LEF1: variants seen among roughly 807,000 people sequenced by gnomAD.
LEF1 encodes lymphoid enhancer-binding factor 1.
Under a neutral mutation model 51.2 loss-of-function variants are expected in LEF1, and 14 were observed. That is an observed-to-expected ratio of 0.27 (90% CI 0.18 to 0.43). The LOEUF is 0.43. Ranked by LOEUF, LEF1 falls within the 20% of genes least tolerant of loss-of-function variation. The probability of loss-of-function intolerance (pLI) is 1.00; values close to 1 mark genes in which losing one functional copy is unlikely to be tolerated. For missense variants in LEF1, 386 were observed against 512.0 expected (o/e 0.75, Z 2.37); for synonymous variants, 185 against 183.2 (o/e 1.01, Z -0.08).
At chr4:108,110,713 G>A (rs527390163) in intron 3 of LEF1, among the ~76,000 whole-genome samples, 2 of 152,116 alleles carry the variant, frequency 1.3e-5, no homozygotes, top group African/African-American at 2.4e-5. Flanking sequence ...CATCATCCTC[G>A]TTGAGTGACT....
intron 8 of LEF1, among the ~76,000 whole-genome samples, chr4:108,075,708 T>C (rs979135516): frequency 3.3e-5 from 5 of 152,212 alleles, no homozygotes; most frequent in African/African-American, 1.2e-4. Context: ...TGACTATGTA[T>C]GTCTTTTGGC....
chr4:108,146,143 A>G (rs894692094), intron 3 of LEF1, among the ~76,000 whole-genome samples: 15 of 152,382 alleles, frequency 9.8e-5, no homozygotes, highest in Middle Eastern at 3.4e-3. Flanking sequence ...CATGTTCTCC[A>G]TGAGTAAAAA....
chr4:108,103,730 C>G (rs185107000), intron 3 of LEF1, among the ~76,000 whole-genome samples: 2 of 152,268 alleles, frequency 1.3e-5, no homozygotes, highest in East Asian at 3.9e-4. Flanking sequence ...CTGAATTTTT[C>G]CTTCTCCTCT....
At chr4:108,080,735 GA>G (rs1056393878) in intron 6 of LEF1, among the ~76,000 whole-genome samples, 4 of 150,864 alleles carry the variant, frequency 2.7e-5, no homozygotes, top group Non-Finnish European at 4.4e-5. Context: ...ACAACTCACT[GA>G]AAAAAAAAGT....
chr4:108,146,527 A>G (rs560104592), intron 3 of LEF1, among the ~76,000 whole-genome samples: 54 of 152,330 alleles, frequency 3.5e-4, no homozygotes, highest in African/African-American at 1.2e-3. Context: ...TCACCTCTAG[A>G]GCAGAAAAAA....
intron 3 of LEF1, among the ~76,000 whole-genome samples, chr4:108,128,557 T>C (rs1742685090): frequency 6.6e-6 from 1 of 152,072 alleles, no homozygotes; most frequent in African/African-American, 2.4e-5. Flanking sequence ...TGATTTAGAC[T>C]TTCTTTTGCC....
intron 3 of LEF1, among the ~76,000 whole-genome samples, chr4:108,122,273 C>T (rs1176639527): frequency 1.3e-5 from 2 of 152,124 alleles, no homozygotes; most frequent in Non-Finnish European, 2.9e-5. Context: ...CTTAAAGTTA[C>T]ATTATTATAT....
rs147186589 is a variant in LEF1, at chr4:108,054,940, G to A, written c.*7-6189C>T. 6.2e-3 allele frequency among the ~76,000 whole-genome samples: 943 copies of A among 152,302 alleles called. 10 individuals are homozygous for A. The highest frequency in any genetic ancestry group is 0.021 in the African/African-American group (886 of 41,562). ...TTTGCTAAAGGTCACAGACAGCTAT[G>A]AGCAGCAGGATTTCCCACTCATCTG... On this transcript the variant is annotated intron_variant, in intron 11 of 11. Transcript: ENST00000265165.
rs779208326 is a variant in LEF1 at position 108,165,166 on chromosome 4, A to G, written c.214-3T>C. On this transcript the variant is annotated splice_region_variant and splice_polypyrimidine_tract_variant and intron_variant, in intron 1 of 11. Transcript: ENST00000265165. ...GAGGTTTGTGCTTGTCTGGCCACCT[A>G]ACATCATGAATCCCCACACCCAAAA... is the stretch of plus-strand genomic sequence containing the variant. The G allele has an allele frequency of 6.2e-7, 1 of 1,613,772 alleles. No homozygotes were observed. Among genetic ancestry groups the G allele is most frequent in the Non-Finnish European group, 8.5e-7 (1 of 1,179,800 alleles).
intron 11 of LEF1, 71 bp downstream of exon 11, chr4:108,063,552 G>T: frequency 5.1e-6 from 6 of 1,181,864 alleles, no homozygotes; most frequent in Non-Finnish European, 7.4e-6. Context: ...TTATGAGCAA[G>T]AAGATTCACA....
At chr4:108,153,919 A>G (rs1247436554) in intron 3 of LEF1, among the ~76,000 whole-genome samples, 1 of 152,224 alleles carries the variant, frequency 6.6e-6, no homozygotes, top group Non-Finnish European at 1.5e-5. Context: ...TCCTATTGCC[A>G]TGAATATATA....
At chr4:108,060,067 A>G (rs1560757846) in intron 11 of LEF1, among the ~76,000 whole-genome samples, 1 of 152,140 alleles carries the variant, frequency 6.6e-6, no homozygotes, top group Non-Finnish European at 1.5e-5. Context: ...CAAACAAGGA[A>G]CCATATTATT....
chr4:108,126,994 A>T (rs1742586873), intron 3 of LEF1, among the ~76,000 whole-genome samples: 1 of 152,122 alleles, frequency 6.6e-6, no homozygotes, highest in African/African-American at 2.4e-5. Context: ...ACAACGTTCG[A>T]TACAATGTGG....
intron 3 of LEF1, among the ~76,000 whole-genome samples, chr4:108,137,165 C>T (rs1427492290): frequency 6.6e-6 from 1 of 152,068 alleles, no homozygotes; most frequent in Non-Finnish European, 1.5e-5. Flanking sequence ...ACATTTTTTA[C>T]AAAACATCAC....
intron 3 of LEF1, among the ~76,000 whole-genome samples, chr4:108,113,936 AAAACCACTATATG>A (rs1741681946): frequency 6.6e-6 from 1 of 152,238 alleles, no homozygotes; most frequent in African/African-American, 2.4e-5. Context: ...ACTCATTTAA[AAAACCACTATATG>A]AAGACAAAGA....
At chr4:108,060,530 T>C (rs150789735) in intron 11 of LEF1, among the ~76,000 whole-genome samples, 62 of 152,258 alleles carry the variant, frequency 4.1e-4, no homozygotes, top group African/African-American at 1.5e-3. Flanking sequence ...TCCTGGGCTC[T>C]GCTCTTTCCA....
intron 3 of LEF1, among the ~76,000 whole-genome samples, chr4:108,161,889 A>C (rs1013454506): frequency 6.6e-6 from 1 of 152,168 alleles, no homozygotes. Context: ...AAAATGATTT[A>C]ACAGGAATCT....
rs11329450 is a variant in LEF1 at position 108,126,804 on chromosome 4, CAA to C, written c.414+36762_414+36763del. Among the ~76,000 whole-genome samples, 451 of 97,292 alleles carry C rather than the reference CAA, an allele frequency of 4.6e-3. 2 individuals carry two copies. Among genetic ancestry groups the C allele is most frequent in the Middle Eastern group, 0.021 (3 of 140 alleles). 63.8% of individuals were successfully genotyped at this position (97,292 alleles called of 152,430 possible). A position where few individuals can be genotyped will look rare whatever the true frequency, so the allele number is the denominator to read the frequency against. Reference sequence around the variant, plus strand: ...TGGGTGACAAAGGGAGACTTTCTCTCAAAAAAAAAAAAAAAAAAAAGAATAGG... The same window carrying C: ...TGGGTGACAAAGGGAGACTTTCTCTCAAAAAAAAAAAAAAAAAAGAATAGG... On this transcript the variant is annotated intron_variant, in intron 3 of 11. Coordinates refer to ENST00000265165, the MANE Select transcript of LEF1 (RefSeq NM_016269.5).
chr4:108,086,127 A>T (rs4956036), intron 4 of LEF1, among the ~76,000 whole-genome samples: 126,582 of 152,284 alleles, frequency 0.83, 53,885 homozygotes, highest in East Asian at 0.97. Flanking sequence ...GGATCTGAGT[A>T]TTCTAAATAG....
Sources: gnomAD v4.1 joint callset for allele counts (sites outside exome capture counted in the v4.1 genomes callset) on GRCh38, gnomAD v4.1.1 for gene constraint, MANE v1.5 for transcripts, NCBI Gene and HGNC (gene_info 2026-07-23, HGNC 2026-07-21) for gene names.